The following MAGI1 variants were observed in gnomAD, a reference collection of about 807,000 sequenced individuals.
MAGI1 encodes membrane associated guanylate kinase, WW and PDZ domain containing 1.
A neutral mutation model predicts 139.9 loss-of-function variants in MAGI1; 58 were observed. That is an observed-to-expected ratio of 0.41 (90% CI 0.34 to 0.52). The LOEUF is 0.52. Ranked by LOEUF, MAGI1 falls within the 20% of genes least tolerant of loss-of-function variation. MAGI1 has a pLI of 0.12. For missense variants in MAGI1, 1,874 were observed against 1,901.6 expected (o/e 0.99, Z 0.27); for synonymous variants, 812 against 737.9 (o/e 1.10, Z -1.63).
At chr3:65,450,477 A>G (rs2107482921) in intron 6 of MAGI1, among the ~76,000 whole-genome samples, 1 of 152,214 alleles carries the variant, frequency 6.6e-6, no homozygotes, top group Admixed American at 6.5e-5. Context: ...ATCAAGGGGG[A>G]ATTTTGAGTA....
intron 1 of MAGI1, among the ~76,000 whole-genome samples, chr3:65,822,464 G>A (rs1190372536): frequency 6.6e-6 from 1 of 152,120 alleles, no homozygotes; most frequent in Non-Finnish European, 1.5e-5. Flanking sequence ...GGAGGCGGAG[G>A]TCGCAGTGAG....
chr3:65,406,324 G>C (rs1178067254), intron 12 of MAGI1, among the ~76,000 whole-genome samples: 1 of 151,842 alleles, frequency 6.6e-6, no homozygotes, highest in Non-Finnish European at 1.5e-5. Context: ...TGCTGGGAAA[G>C]AGAGTGGACC....
intron 1 of MAGI1, among the ~76,000 whole-genome samples, chr3:65,882,765 T>C (rs2060382099): frequency 6.6e-6 from 1 of 151,744 alleles, no homozygotes; most frequent in Non-Finnish European, 1.5e-5. Context: ...AAACCCCATC[T>C]CTACAGAATA....
chr3:65,870,143 G>A (rs1321843617), intron 1 of MAGI1, among the ~76,000 whole-genome samples: 1 of 152,024 alleles, frequency 6.6e-6, no homozygotes, highest in Non-Finnish European at 1.5e-5. Context: ...AGCCTATAAT[G>A]TTGACAAATG....
intron 2 of MAGI1, among the ~76,000 whole-genome samples, chr3:65,549,095 T>C (rs1035957686): frequency 2.0e-5 from 3 of 151,988 alleles, no homozygotes; most frequent in African/African-American, 4.8e-5. Context: ...GCTCGGGCCC[T>C]GCGCTCCGGG....
intron 2 of MAGI1, among the ~76,000 whole-genome samples, chr3:65,560,675 A>G (rs1292933771): frequency 6.6e-6 from 1 of 152,184 alleles, no homozygotes; most frequent in African/African-American, 2.4e-5. Flanking sequence ...ACAGCTCTGC[A>G]AAGGACAAAG....
At chr3:65,585,098 A>G (rs1429077591) in intron 2 of MAGI1, among the ~76,000 whole-genome samples, 3 of 152,238 alleles carry the variant, frequency 2.0e-5, no homozygotes, top group Non-Finnish European at 4.4e-5. Context: ...ATTAGTCATT[A>G]AGACCATTTA....
Position 65,504,779 on chromosome 3 carries a change from T to TA in MAGI1, c.431-11149dup, listed in dbSNP as rs1435838561. ...ATGTCTTACTGCCTCTTAACCAGAA[T>TA]ACTGAGGAGGACCAGAAAACATTCC... On this transcript the variant is annotated intron_variant, in intron 2 of 22. Transcript: ENST00000402939. Among the ~76,000 whole-genome samples, 3 of 152,148 alleles carry TA rather than the reference T, an allele frequency of 2.0e-5. No individual in the cohort carries two copies. In the East Asian group the frequency reaches 5.8e-4, roughly 29 times the overall value.
At chr3:65,819,435 G>A (rs545064456) in intron 1 of MAGI1, among the ~76,000 whole-genome samples, 1 of 152,008 alleles carries the variant, frequency 6.6e-6, no homozygotes, top group East Asian at 1.9e-4. Flanking sequence ...CCTCACATTG[G>A]TCATCCTAGT....
intron 1 of MAGI1, among the ~76,000 whole-genome samples, chr3:65,736,286 A>T (rs563043142): frequency 1.3e-5 from 2 of 152,192 alleles, no homozygotes; most frequent in Non-Finnish European, 2.9e-5. Flanking sequence ...TGACTTTTAG[A>T]TCAATGGAGT....
chr3:65,444,374 G>A (rs1177099812), intron 7 of MAGI1, among the ~76,000 whole-genome samples: 1 of 151,924 alleles, frequency 6.6e-6, no homozygotes, highest in Non-Finnish European at 1.5e-5. Flanking sequence ...TTGGGAAATC[G>A]AAGATTAAAA....
At chr3:65,869,502 A>G (rs533199796) in intron 1 of MAGI1, among the ~76,000 whole-genome samples, 142 of 150,470 alleles carry the variant, frequency 9.4e-4, no homozygotes, top group Non-Finnish European at 1.7e-3. Context: ...CCAGGTTCAC[A>G]CCATTCTCCT....
chr3:65,591,974 T>A (rs1159616053), intron 2 of MAGI1, among the ~76,000 whole-genome samples: 3 of 152,198 alleles, frequency 2.0e-5, no homozygotes, highest in African/African-American at 7.2e-5. Flanking sequence ...GCTTTTTCCC[T>A]CGTATAATGT....
intron 2 of MAGI1, among the ~76,000 whole-genome samples, chr3:65,589,837 C>CAAA (rs11443949): frequency 7.4e-6 from 1 of 135,966 alleles, no homozygotes; most frequent in African/African-American, 2.6e-5. Flanking sequence ...GGGTGGTTTT[C>CAAA]AAAAAAAAAA....
intron 1 of MAGI1, among the ~76,000 whole-genome samples, chr3:65,785,968 G>C (rs940552501): frequency 6.8e-6 from 1 of 148,092 alleles, no homozygotes; most frequent in Non-Finnish European, 1.5e-5. Flanking sequence ...ACGGAGTCTC[G>C]CTCTGTCACT....
At chr3:65,962,830 GA>G (rs777177760) in intron 1 of MAGI1, among the ~76,000 whole-genome samples, 6,536 of 59,084 alleles carry the variant, frequency 0.11, 369 homozygotes, top group African/African-American at 0.27. Flanking sequence ...GTCTCGGGGG[GA>G]AAAAAAAAAA....
intron 2 of MAGI1, among the ~76,000 whole-genome samples, chr3:65,520,163 G>A (rs970958677): frequency 6.6e-6 from 1 of 152,146 alleles, no homozygotes; most frequent in Non-Finnish European, 1.5e-5. Context: ...AAGCCATCCC[G>A]CTGAGCCCTA....
At chr3:65,385,201 ATACT>A (rs1031093287) in intron 14 of MAGI1, among the ~76,000 whole-genome samples, 2 of 152,190 alleles carry the variant, frequency 1.3e-5, no homozygotes, top group African/African-American at 4.8e-5. Context: ...CCATAAGAAA[ATACT>A]TACTATACAT....
intron 1 of MAGI1, among the ~76,000 whole-genome samples, chr3:65,665,234 GC>G (rs1323946643): frequency 9.8e-5 from 15 of 152,296 alleles, no homozygotes; most frequent in African/African-American, 3.6e-4. Flanking sequence ...GAGTTACAGG[GC>G]TCTTAGCTGT....
Sources: allele counts gnomAD v4.1 joint callset (sites outside exome capture counted in the v4.1 genomes callset), GRCh38; gene constraint gnomAD v4.1.1; transcripts MANE v1.5; gene names NCBI Gene and HGNC (gene_info 2026-07-23, HGNC 2026-07-21).